The following TOX variants were observed in gnomAD, a reference collection of about 807,000 sequenced individuals.
TOX encodes the protein thymocyte selection-associated high mobility group box protein TOX.
TOX carries 11 observed loss-of-function variants against 53.7 expected under a neutral mutation model. The observed-to-expected ratio is 0.20, with a 90% CI of 0.13 to 0.34. The LOEUF (loss-of-function observed/expected upper bound fraction) is 0.34, where lower values mean the gene tolerates loss of function less well. TOX is among the 10% of genes least tolerant of loss of function. The pLI is 1.00. For missense variants in TOX, 570 were observed against 664.6 expected, an observed-to-expected ratio of 0.86 and a Z score of 1.56; for synonymous variants, 225 against 245.3, an observed-to-expected ratio of 0.92 and a Z score of 0.77.
intron 1 of TOX, among the ~76,000 whole-genome samples, chr8:59,044,899 T>TAC (rs1803657514): frequency 6.6e-6 from 1 of 152,232 alleles, no homozygotes; most frequent in Admixed American, 6.5e-5. Context: ...AATAATCGGC[T>TAC]ACACACATGT....
At chr8:58,810,856 G>A (rs1314808075) in intron 7 of TOX, among the ~76,000 whole-genome samples, 1 of 150,512 alleles carries the variant, frequency 6.6e-6, no homozygotes, top group Non-Finnish European at 1.5e-5. Flanking sequence ...AAAGACCACA[G>A]AAACCGCCAT....
intron 1 of TOX, among the ~76,000 whole-genome samples, chr8:59,073,132 C>T (rs891247185): frequency 1.3e-5 from 2 of 152,238 alleles, no homozygotes; most frequent in Admixed American, 6.5e-5. Flanking sequence ...GTCTCTTATA[C>T]CTAAACAGTG....
intron 1 of TOX, among the ~76,000 whole-genome samples, chr8:58,974,551 A>C (rs1350594719): frequency 2.0e-5 from 3 of 152,174 alleles, no homozygotes; most frequent in African/African-American, 7.2e-5. Context: ...CCAGGTGTTT[A>C]GGTGTGGTGT....
At chr8:58,978,636 T>C (rs1813149606) in intron 1 of TOX, among the ~76,000 whole-genome samples, 1 of 152,202 alleles carries the variant, frequency 6.6e-6, no homozygotes, top group Non-Finnish European at 1.5e-5. Context: ...GAGCAAAATG[T>C]ACAGAGTTCC....
Position 58,805,487 on chromosome 8 carries a change from T to C in TOX, c.*2260A>G, listed in dbSNP as rs548389603. On this transcript the variant is annotated 3_prime_UTR_variant, in exon 9 of 9. Coordinates refer to ENST00000361421, the MANE Select transcript of TOX (RefSeq NM_014729.3). ...ACATTTGTTTTTACTGTATTTGGTA[T>C]TGAATTTCAACACTCTCTACCCTGG... 3.3e-5 allele frequency: 5 copies of C among 152,696 alleles called. No homozygotes were observed. The highest frequency in any genetic ancestry group is 1.3e-4 in the Admixed American group (2 of 15,294). The allele number at this position is 152,696 out of a possible 1,614,324, so 9.5% of individuals were successfully genotyped here.
In TOX at chr8:58,806,539, G is replaced by A. The variant is rs1020196034; in HGVS notation, c.*1208C>T. On this transcript the variant is annotated 3_prime_UTR_variant, in exon 9 of 9. Transcript: ENST00000361421. ...AGTCTTGGAGCTTGTGTGACTTGGA[G>A]GGCAATTCTGTTATGTCGTATGAAG... 2 of 152,310 alleles carry A rather than the reference G, an allele frequency of 1.3e-5. No homozygotes were observed. The highest frequency in any genetic ancestry group is 2.9e-5 in the Non-Finnish European group (2 of 68,042). The allele number at this position is 152,310 out of a possible 1,614,324, so 9.4% of individuals were successfully genotyped here.
At chr8:58,808,659 A>C (rs1446604015) in intron 7 of TOX, among the ~76,000 whole-genome samples, 1 of 152,250 alleles carries the variant, frequency 6.6e-6, no homozygotes, top group Non-Finnish European at 1.5e-5. Context: ...AATATGCAAC[A>C]GAATCTTTTT....
At chr8:58,870,064 G>A (rs971355643) in intron 3 of TOX, among the ~76,000 whole-genome samples, 2 of 151,904 alleles carry the variant, frequency 1.3e-5, no homozygotes, top group African/African-American at 2.4e-5. Context: ...TGTACTGAAA[G>A]TTCTACCTAA....
chr8:59,046,499 T>C (rs1285377841), intron 1 of TOX, among the ~76,000 whole-genome samples: 1 of 151,504 alleles, frequency 6.6e-6, no homozygotes, highest in Non-Finnish European at 1.5e-5. Context: ...TTGCAAAGGG[T>C]TCATAATTTA....
chr8:58,855,451 G>A (rs552792667), intron 3 of TOX, among the ~76,000 whole-genome samples: 1 of 152,150 alleles, frequency 6.6e-6, no homozygotes, highest in East Asian at 1.9e-4. Flanking sequence ...TACTCAAAAT[G>A]TTGCAGTCAT....
intron 3 of TOX, among the ~76,000 whole-genome samples, chr8:58,913,233 T>C (rs982892465): frequency 5.3e-5 from 8 of 152,164 alleles, no homozygotes; most frequent in African/African-American, 1.9e-4. Context: ...GGAGGATCAC[T>C]TGAGGCCAGG....
intron 1 of TOX, among the ~76,000 whole-genome samples, chr8:58,969,488 C>A (rs868124094): frequency 6.6e-6 from 1 of 152,136 alleles, no homozygotes; most frequent in Non-Finnish European, 1.5e-5. Flanking sequence ...TAGTTATATT[C>A]ATTATTGCCT....
Position 58,808,150 on chromosome 8 carries a change from C to T in TOX, c.1512G>A (p.Pro504=), listed in dbSNP as rs760646536. 1.2e-6 allele frequency: 2 copies of T among 1,613,752 alleles called. No individual in the cohort carries two copies. Among genetic ancestry groups the T allele is most frequent in the East Asian group, 2.2e-5 (1 of 44,874 alleles). Residue 504 remains proline, a synonymous_variant, in exon 8 of 9, where the codon CCG becomes CCA. Transcript: ENST00000361421. ...TGCAGTAGTCGTTATTCCAGTCCAC[C>T]GGTTGTGGGGGAGGATTTCTGCACC... The part of the protein sequence containing the change: ...RSGCRNPPPQ[P]VDWNNDYCSS...
At chr8:58,847,863 G>A (rs1050803653) in intron 4 of TOX, among the ~76,000 whole-genome samples, 2 of 151,990 alleles carry the variant, frequency 1.3e-5, no homozygotes, top group East Asian at 3.9e-4. Flanking sequence ...TCAAAACGCT[G>A]AAAGAAAATA....
intron 1 of TOX, among the ~76,000 whole-genome samples, chr8:59,099,313 G>T (rs1345885507): frequency 6.6e-6 from 1 of 152,070 alleles, no homozygotes; most frequent in Non-Finnish European, 1.5e-5. Context: ...AACATCCAGG[G>T]CCTGATATTC....
At chr8:59,082,199 G>C (rs895569012) in intron 1 of TOX, among the ~76,000 whole-genome samples, 2 of 152,124 alleles carry the variant, frequency 1.3e-5, no homozygotes, top group Non-Finnish European at 2.9e-5. Flanking sequence ...ATTTGGAAAA[G>C]GCTTATATTT....
intron 3 of TOX, among the ~76,000 whole-genome samples, chr8:58,894,636 G>A (rs911121731): frequency 6.6e-6 from 1 of 152,210 alleles, no homozygotes; most frequent in Non-Finnish European, 1.5e-5. Flanking sequence ...GCTCAAGCCT[G>A]TAATCCCAGC....
chr8:58,942,836 C>G (rs1812464696), intron 2 of TOX, among the ~76,000 whole-genome samples: 1 of 152,198 alleles, frequency 6.6e-6, no homozygotes, highest in Non-Finnish European at 1.5e-5. Context: ...CTTGCTCACA[C>G]AGATCCAATT....
intron 5 of TOX, among the ~76,000 whole-genome samples, chr8:58,830,704 A>T (rs1810439403): frequency 6.6e-6 from 1 of 152,078 alleles, no homozygotes; most frequent in Admixed American, 6.6e-5. Context: ...CTCTAGTCAT[A>T]GTTTATTTTA....
Sources: gnomAD v4.1 joint callset for allele counts (sites outside exome capture counted in the v4.1 genomes callset) on GRCh38, gnomAD v4.1.1 for gene constraint, MANE v1.5 for transcripts, NCBI Gene and HGNC (gene_info 2026-07-23, HGNC 2026-07-21) for gene names.